Variants in ZNF737 observed in about 807,000 individuals in gnomAD.
ZNF737 encodes zinc finger protein 737, also known as zinc finger protein 102 (Y3).
In ZNF737, 13 loss-of-function variants were observed where a neutral mutation model predicts 11.7. The observed-to-expected ratio is 1.11, with a 90% CI of 0.73 to 1.77. ZNF737 has a LOEUF of 1.77. Ranked by LOEUF, ZNF737 falls within the 40% of genes most tolerant of loss-of-function variation. ZNF737 has a pLI of 0.00. For synonymous variants in ZNF737, 217 were observed against 216.2 expected (o/e 1.00, Z -0.03); for missense variants, 636 against 638.0 (o/e 1.00, Z 0.03).
At chr19:20,555,556 T>C (rs1178754326) in intron 1 of ZNF737, among the ~76,000 whole-genome samples, 1 of 152,198 alleles carries the variant, frequency 6.6e-6, no homozygotes, top group Non-Finnish European at 1.5e-5. Context: ...TTACATGTTC[T>C]CCATCTTTAC....
rs1192588390 is a variant in ZNF737, at chr19:20,541,172, G to A, written c.*3420C>T. The A allele has an allele frequency of 2.0e-6, 2 of 982,334 alleles. No homozygotes were observed. Among genetic ancestry groups the A allele is most frequent in the East Asian group, 1.1e-4 (1 of 8,800 alleles). 60.9% of individuals were successfully genotyped at this position (982,334 alleles called of 1,614,324 possible). ...TAGATTTGCTTTCACCATTTTAAAA[G>A]TGTTTAGTTTTGTTAATCACCTAAA... On this transcript the variant is annotated 3_prime_UTR_variant, in exon 4 of 4. Coordinates refer to ENST00000427401, the MANE Select transcript of ZNF737 (RefSeq NM_001159293.2).
Position 20,539,024 on chromosome 19 carries a change from A to T in ZNF737, c.*5568T>A. 1.0e-6 allele frequency: 1 copy of T among 985,048 alleles called. No individual in the cohort carries two copies. The highest frequency in any genetic ancestry group is 1.2e-6 in the Non-Finnish European group (1 of 829,578). The allele number at this position is 985,048 out of a possible 1,614,324, so 61.0% of individuals were successfully genotyped here. A position where few individuals can be genotyped will look rare whatever the true frequency, so the allele number is the denominator to read the frequency against. The stretch of plus-strand genomic sequence containing the variant: ...TACCAAAATTATTCTGGCTGGGAAA[A>T]GTGGCTCATGCCTGTAATCCCAGCA... On this transcript the variant is annotated 3_prime_UTR_variant, in exon 4 of 4. Transcript: ENST00000427401.
chr19:20,559,643 T>A (rs1555761944), intron 1 of ZNF737, among the ~76,000 whole-genome samples: 2 of 152,174 alleles, frequency 1.3e-5, no homozygotes, highest in Admixed American at 6.5e-5. Context: ...ACTCTGCTGG[T>A]GGGAGTGTAA....
downstream of ZNF737, among the ~76,000 whole-genome samples, chr19:20,534,308 T>G (rs1967900163): frequency 6.7e-6 from 1 of 149,804 alleles, no homozygotes; most frequent in African/African-American, 2.5e-5. Flanking sequence ...CAGGCTTGGT[T>G]GTGGGTGCCT....
chr19:20,539,693 G>A lies in ZNF737; in HGVS notation c.*4899C>T. 3 of 958,920 alleles carry A rather than the reference G, an allele frequency of 3.1e-6. No individual in the cohort carries two copies. The highest frequency in any genetic ancestry group is 3.7e-6 in the Non-Finnish European group (3 of 806,046). The allele number at this position is 958,920 out of a possible 1,614,324, so 59.4% of individuals were successfully genotyped here. On this transcript the variant is annotated 3_prime_UTR_variant, in exon 4 of 4. Transcript: ENST00000427401. Reference sequence around the variant, plus strand: ...GAAGTTAATTATTTATAAATTCATTGTTTTTAAGGTTTTTCAAATATGAAA... The same window carrying A: ...GAAGTTAATTATTTATAAATTCATTATTTTTAAGGTTTTTCAAATATGAAA...
chr19:20,544,465 A>C lies in ZNF737; in HGVS notation c.*127T>G. 1 of 1,506,978 alleles carries C rather than the reference A, an allele frequency of 6.6e-7. No individual in the cohort carries two copies. Among genetic ancestry groups the C allele is most frequent in the Non-Finnish European group, 8.8e-7 (1 of 1,136,700 alleles). The allele number at this position is 1,506,978 out of a possible 1,614,324, so 93.4% of individuals were successfully genotyped here. A position where few individuals can be genotyped will look rare whatever the true frequency, so the allele number is the denominator to read the frequency against. Reference sequence around the variant, plus strand: ...CCGCATGAATTATCTAATGTCTACTAAGGTTTGAGGATGAAATAAAGGCTT... The same window carrying C: ...CCGCATGAATTATCTAATGTCTACTCAGGTTTGAGGATGAAATAAAGGCTT... On this transcript the variant is annotated 3_prime_UTR_variant, in exon 4 of 4. Transcript: ENST00000427401.
chr19:20,542,592 A>G lies in ZNF737; in HGVS notation c.*2000T>C, dbSNP rs1479530955. The G allele has an allele frequency of 1.0e-6, 1 of 973,834 alleles. No homozygotes were observed. The highest frequency in any genetic ancestry group is 1.2e-6 in the Non-Finnish European group (1 of 819,684). The allele number at this position is 973,834 out of a possible 1,614,324, so 60.3% of individuals were successfully genotyped here. A position where few individuals can be genotyped will look rare whatever the true frequency, so the allele number is the denominator to read the frequency against. ...AAAAGTACAAGTAGTAAAGTAATATACTCATTTATTTTAATATACTTTTAA... is the reference window on the plus strand; with the variant it reads ...AAAAGTACAAGTAGTAAAGTAATATGCTCATTTATTTTAATATACTTTTAA... On this transcript the variant is annotated 3_prime_UTR_variant, in exon 4 of 4. Transcript: ENST00000427401.
At chr19:20,559,504 A>G (rs1344097882) in intron 1 of ZNF737, among the ~76,000 whole-genome samples, 3 of 152,110 alleles carry the variant, frequency 2.0e-5, no homozygotes, top group African/African-American at 7.2e-5. Flanking sequence ...AATGCTCATC[A>G]CTAATCACTA....
intron 1 of ZNF737, among the ~76,000 whole-genome samples, chr19:20,555,307 T>G (rs569373702): frequency 2.0e-5 from 3 of 152,258 alleles, no homozygotes; most frequent in South Asian, 4.1e-4. Flanking sequence ...CTCAGCCTCC[T>G]GAGGAGCTGG....
At position 20,543,177 on chromosome 19, in the gene ZNF737, TG is replaced by T. The variant is rs1968289994; in HGVS notation, c.*1414del. On this transcript the variant is annotated 3_prime_UTR_variant, in exon 4 of 4. Coordinates refer to ENST00000427401, the MANE Select transcript of ZNF737 (RefSeq NM_001159293.2). ...AAATTATATTTTAGCATAAACTCTC[TG>T]TTGTTTTCTAAGCTGTAGTTTCTGG... The T allele has an allele frequency of 4.2e-6, 4 of 943,878 alleles. No homozygotes were observed. The highest frequency in any genetic ancestry group is 5.0e-6 in the Non-Finnish European group (4 of 804,526). The allele number at this position is 943,878 out of a possible 1,614,324, so 58.5% of individuals were successfully genotyped here.
At chr19:20,530,396 C>T in the ZNF737 span, among the ~76,000 whole-genome samples, 1 of 147,872 alleles carries the variant, frequency 6.8e-6, no homozygotes, top group Non-Finnish European at 1.5e-5. Context: ...GGGCGACTGG[C>T]CTGACGGGGG....
In ZNF737 at chr19:20,544,188, T is replaced by C; in HGVS notation, c.*404A>G. 1 of 1,012,096 alleles carries C rather than the reference T, an allele frequency of 9.9e-7. No homozygotes were observed. The highest frequency in any genetic ancestry group is 4.1e-5 in the South Asian group (1 of 24,682). The allele number at this position is 1,012,096 out of a possible 1,614,324, so 62.7% of individuals were successfully genotyped here. On this transcript the variant is annotated 3_prime_UTR_variant, in exon 4 of 4. Coordinates refer to ENST00000427401, the MANE Select transcript of ZNF737 (RefSeq NM_001159293.2). Reference sequence around the variant, plus strand: ...TGCCACATTCCTCAAACTTGTAGGATTTTTGTCCAGCATGAATTATGTGTA... The same window carrying C: ...TGCCACATTCCTCAAACTTGTAGGACTTTTGTCCAGCATGAATTATGTGTA...
downstream of ZNF737, among the ~76,000 whole-genome samples, chr19:20,534,905 A>T (rs1443713349): frequency 6.7e-6 from 1 of 150,298 alleles, no homozygotes; most frequent in Non-Finnish European, 1.5e-5. Context: ...TATGTTAACA[A>T]TAAAGTAATA....
intron 1 of ZNF737, among the ~76,000 whole-genome samples, chr19:20,561,962 G>C (rs1290792273): frequency 6.6e-6 from 1 of 152,138 alleles, no homozygotes; most frequent in Non-Finnish European, 1.5e-5. Flanking sequence ...TGCACAGAAC[G>C]AATAAAAGAG....
chr19:20,565,564 C>G, intron 1 of ZNF737, 74 bp downstream of exon 1: 2 of 1,612,228 alleles, frequency 1.2e-6, no homozygotes, highest in Middle Eastern at 1.7e-4. Flanking sequence ...AGGCCTGAGT[C>G]CCGCCACAGC....
intron 1 of ZNF737, among the ~76,000 whole-genome samples, chr19:20,562,781 T>C (rs1187095552): frequency 6.6e-6 from 1 of 152,092 alleles, no homozygotes; most frequent in Non-Finnish European, 1.5e-5. Flanking sequence ...TTAATCGAAC[T>C]CTTCTTAAGC....
chr19:20,531,248 C>CGGGAGACGGGAGAG (rs1967819634), downstream of ZNF737, among the ~76,000 whole-genome samples: 1 of 77,058 alleles, frequency 1.3e-5, no homozygotes, highest in Non-Finnish European at 2.4e-5. Context: ...AGAGGGGAGA[C>CGGGAGACGGGAGAG]GGGAGAGGGG....
chr19:20,543,125 T>A lies in ZNF737; in HGVS notation c.*1467A>T. 1.1e-6 allele frequency: 1 copy of A among 952,000 alleles called. No homozygotes were observed. The highest frequency in any genetic ancestry group is 1.3e-6 in the Non-Finnish European group (1 of 799,790). The allele number at this position is 952,000 out of a possible 1,614,324, so 59.0% of individuals were successfully genotyped here. On this transcript the variant is annotated 3_prime_UTR_variant, in exon 4 of 4. Coordinates refer to ENST00000427401, the MANE Select transcript of ZNF737 (RefSeq NM_001159293.2). ...TATATACAATCTATTTTGAATTAAATATTTTTTAATATTTACTGCATCTGC... is the reference window on the plus strand; with the variant it reads ...TATATACAATCTATTTTGAATTAAAAATTTTTTAATATTTACTGCATCTGC...
In ZNF737 at chr19:20,541,946, T is replaced by C; in HGVS notation, c.*2646A>G. On this transcript the variant is annotated 3_prime_UTR_variant, in exon 4 of 4. Coordinates refer to ENST00000427401, the MANE Select transcript of ZNF737 (RefSeq NM_001159293.2). Reference sequence around the variant, plus strand: ...AGATGCCATATAAGGCATAAATATATACACATATTATATACCCACGAATAC... The same window carrying C: ...AGATGCCATATAAGGCATAAATATACACACATATTATATACCCACGAATAC... 1.2e-6 allele frequency: 1 copy of C among 869,356 alleles called. No individual in the cohort carries two copies. Among genetic ancestry groups the C allele is most frequent in the South Asian group, 5.3e-5 (1 of 18,768 alleles). 53.9% of individuals were successfully genotyped at this position (869,356 alleles called of 1,614,324 possible).
Sources: allele counts gnomAD v4.1 joint callset (sites outside exome capture counted in the v4.1 genomes callset), GRCh38; gene constraint gnomAD v4.1.1; transcripts MANE v1.5; gene names NCBI Gene and HGNC (gene_info 2026-07-23, HGNC 2026-07-21).